WDR44: variants seen among roughly 807,000 people sequenced by gnomAD.
The protein encoded by WDR44 is WD repeat domain 44.
WDR44 carries 9 observed loss-of-function variants against 65.7 expected under a neutral mutation model. The observed-to-expected ratio is 0.14, with a 90% CI of 0.08 to 0.24. The LOEUF is 0.24. Among genes scored for constraint, WDR44 ranks in the 10% least tolerant of loss-of-function variants. WDR44 has a pLI of 1.00. For synonymous variants in WDR44, 220 were observed against 235.2 expected, an observed-to-expected ratio of 0.94 and a Z score of 0.59; for missense variants, 425 against 670.9, an observed-to-expected ratio of 0.63 and a Z score of 4.05.
intron 13 of WDR44, among the ~76,000 whole-genome samples, chrX:118,434,071 T>C (rs1785655227): frequency 8.9e-6 from 1 of 112,485 alleles, no homozygotes; most frequent in Non-Finnish European, 1.9e-5. Context: ...TCACAGTAGC[T>C]AATCACTACA....
chrX:118,382,177 G>A (rs766530166), intron 2 of WDR44, among the ~76,000 whole-genome samples: 79 of 112,321 alleles, frequency 7.0e-4, no homozygotes, highest in Non-Finnish European at 1.1e-3. Context: ...CCTAAAGTGG[G>A]ACATTTAAAA....
chrX:118,432,460 C>T (rs2057219885), intron 12 of WDR44, among the ~76,000 whole-genome samples: 1 of 111,761 alleles, frequency 8.9e-6, no homozygotes. Context: ...AGCTAATCTT[C>T]ATTAGCTTAG....
chrX:118,346,522 A>G lies in WDR44; in HGVS notation c.19A>G (p.Thr7Ala). The stretch of plus-strand genomic sequence containing the variant: ...CCTATAAATGGCGTCGGAAAGCGAC[A>G]CCGAGGAATTCTATGATGCCCCTGA... MASESD[T>A]EEFYDAPEDV... Residue 7 changes from threonine (T) to alanine (A), a missense_variant, in exon 1 of 20, where the codon ACC becomes GCC. Physicochemically the swap from Thr to Ala is moderately conservative, Grantham distance 58. Transcript: ENST00000254029. 2 of 1,207,479 alleles carry G rather than the reference A, an allele frequency of 1.7e-6. No homozygotes were observed. Among genetic ancestry groups the G allele is most frequent in the South Asian group, 3.5e-5 (2 of 56,743 alleles).
intron 14 of WDR44, among the ~76,000 whole-genome samples, chrX:118,438,797 GTTTT>G (rs1213083479): frequency 4.7e-5 from 3 of 64,071 alleles, no homozygotes; most frequent in Non-Finnish European, 5.8e-5. Context: ...GTTCAGCCAT[GTTTT>G]TTTTTTTTTT....
Position 118,433,466 on chromosome X carries a change from A to G in WDR44, c.1851+572A>G, listed in dbSNP as rs780397293. Among the ~76,000 whole-genome samples the G allele has an allele frequency of 5.4e-5, 6 of 111,557 alleles. No homozygotes were observed. In the East Asian group the frequency reaches 1.1e-3, roughly 21 times the overall value. On this transcript the variant is annotated intron_variant, in intron 13 of 19. Coordinates refer to ENST00000254029, the MANE Select transcript of WDR44 (RefSeq NM_019045.5). ...CAAGTACTTTTCATTCACTCAAAAC[A>G]TATCTGTTGATCATTTTACCACCTG...
chrX:118,351,445 A>G (rs192502706), intron 1 of WDR44, among the ~76,000 whole-genome samples: 8 of 112,222 alleles, frequency 7.1e-5, no homozygotes, highest in Admixed American at 2.8e-4. Context: ...TTTAAAAAAT[A>G]CCTGTGCAAT....
At chrX:118,403,986 C>T (rs770184012) in intron 8 of WDR44, among the ~76,000 whole-genome samples, 63 of 111,851 alleles carry the variant, frequency 5.6e-4, no homozygotes, top group Non-Finnish European at 2.1e-4. Context: ...AGTTCTCACC[C>T]CCAGACTCTC....
chrX:118,425,007 A>G (rs1375325334), intron 12 of WDR44, among the ~76,000 whole-genome samples: 2 of 111,500 alleles, frequency 1.8e-5, no homozygotes, highest in Non-Finnish European at 3.8e-5. Flanking sequence ...GCAAAGCTTC[A>G]CTGAGAAGTT....
In WDR44 at chrX:118,410,946, A is replaced by G; in HGVS notation, c.1724A>G (p.Asp575Gly). 1 of 1,195,863 alleles carries G rather than the reference A, an allele frequency of 8.4e-7. No individual in the cohort carries two copies. The highest frequency in any genetic ancestry group is 1.1e-6 in the Non-Finnish European group (1 of 887,604). ...SQESLSSSKS[D>G]TDTGVCSGTD... The stretch of plus-strand genomic sequence containing the variant: ...GAAAGTCTAAGTTCATCAAAATCGG[A>G]TACAGATACAGGGGTATGCTTATTG... Residue 575 changes from aspartate (D) to glycine (G), a missense_variant, in exon 12 of 20, where the codon GAT becomes GGT. Around this residue, in one of 5 missense-constraint regions of WDR44, gnomAD observed 45 missense variants for 50.0 expected, o/e 0.90. Transcript: ENST00000254029.
In WDR44 at chrX:118,391,635, A is replaced by G. The variant is rs529987247; in HGVS notation, c.187-997A>G. Among the ~76,000 whole-genome samples the G allele has an allele frequency of 5.4e-5, 6 of 111,828 alleles. No individual in the cohort carries two copies. The South Asian group carries it at 2.3e-3, about 42-fold the overall frequency. ...GTAATGACAAGACTGGGGAGAAAAT[A>G]TATTCTAAATGTTGGCAGAAGATAA... On this transcript the variant is annotated intron_variant, in intron 3 of 19. Coordinates refer to ENST00000254029, the MANE Select transcript of WDR44 (RefSeq NM_019045.5).
chrX:118,385,060 C>G (rs2056753858), intron 2 of WDR44, among the ~76,000 whole-genome samples: 1 of 111,735 alleles, frequency 8.9e-6, no homozygotes, highest in African/African-American at 3.3e-5. Context: ...GCTTAAGAAT[C>G]TTTTGGGCTG....
intron 1 of WDR44, among the ~76,000 whole-genome samples, chrX:118,361,663 G>T (rs1235907552): frequency 1.8e-5 from 2 of 111,536 alleles, no homozygotes; most frequent in Non-Finnish European, 1.9e-5. Flanking sequence ...GGCTAAGGTG[G>T]GAGGATCACT....
At chrX:118,368,459 C>CTA (rs757542334) in intron 1 of WDR44, among the ~76,000 whole-genome samples, 1,516 of 72,739 alleles carry the variant, frequency 0.021, 100 homozygotes, top group South Asian at 0.072. Flanking sequence ...GAAATAGTGA[C>CTA]TATATATATA....
intron 1 of WDR44, among the ~76,000 whole-genome samples, chrX:118,347,808 A>T (rs766155490): frequency 4.4e-5 from 5 of 112,689 alleles, no homozygotes; most frequent in Non-Finnish European, 9.4e-5. Context: ...ACCAACCTTC[A>T]TGTCACTGTT....
chrX:118,351,201 T>A (rs145263754), intron 1 of WDR44, among the ~76,000 whole-genome samples: 1,553 of 112,490 alleles, frequency 0.014, 31 homozygotes, highest in African/African-American at 0.047. Flanking sequence ...ACAGTGATTA[T>A]TTGTATTATT....
chrX:118,368,458 A>AATATATATATATATATATATATATAT (rs1428578976), intron 1 of WDR44, among the ~76,000 whole-genome samples: 4 of 58,008 alleles, frequency 6.9e-5, no homozygotes, highest in East Asian at 7.7e-4. Flanking sequence ...TGAAATAGTG[A>AATATATATATATATATATATATATAT]CTATATATAT....
At chrX:118,444,146 T>G (rs1373601189) in intron 18 of WDR44, among the ~76,000 whole-genome samples, 1 of 112,444 alleles carries the variant, frequency 8.9e-6, no homozygotes, top group African/African-American at 3.2e-5. Context: ...TTTGCTTGTT[T>G]TATCTATACT....
At chrX:118,407,172 T>C (rs2056974343) in intron 10 of WDR44, 146 bp downstream of exon 10, 1 of 571,928 alleles carries the variant, frequency 1.7e-6, no homozygotes, top group Non-Finnish European at 2.7e-6. Flanking sequence ...ATTTAATGAA[T>C]AGGTAATGCA....
chrX:118,352,137 G>GTTTGTTT (rs1194768974), intron 1 of WDR44, among the ~76,000 whole-genome samples: 2 of 82,646 alleles, frequency 2.4e-5, no homozygotes, highest in Non-Finnish European at 4.2e-5. Flanking sequence ...AATTTGTGTT[G>GTTTGTTT]TTTGTTTTTT....
Sources: allele counts gnomAD v4.1 joint callset (sites outside exome capture counted in the v4.1 genomes callset), GRCh38; gene constraint gnomAD v4.1.1; regional missense constraint gnomAD v4.1.1; transcripts MANE v1.5; gene names NCBI Gene and HGNC (gene_info 2026-07-23, HGNC 2026-07-21).